Variants in FUT8 observed in about 807,000 individuals in gnomAD.
FUT8 encodes fucosyltransferase 8, also known as alpha-(1,6)-fucosyltransferase.
Under a neutral mutation model 71.3 loss-of-function variants are expected in FUT8, and 29 were observed. The ratio of observed to expected loss-of-function variants is 0.41; its 90% CI spans 0.30 to 0.55. The LOEUF is 0.55. Among genes scored for constraint, FUT8 ranks in the 20% least tolerant of loss-of-function variants. FUT8 has a pLI of 0.34. For missense variants in FUT8, 544 were observed against 702.1 expected (o/e 0.77, Z 2.55); for synonymous variants, 254 against 239.3 (o/e 1.06, Z -0.57).
chr14:65,445,409 C>T (rs2065724052), intron 1 of FUT8, among the ~76,000 whole-genome samples: 1 of 152,036 alleles, frequency 6.6e-6, no homozygotes, highest in Admixed American at 6.6e-5. Flanking sequence ...TATAAATTAC[C>T]CTCTCTCAGG....
intron 9 of FUT8, among the ~76,000 whole-genome samples, chr14:65,726,211 T>C (rs1388038121): frequency 6.6e-6 from 1 of 152,246 alleles, no homozygotes; most frequent in African/African-American, 2.4e-5. Context: ...AAGAAAAAGA[T>C]ACTAATTTTG....
chr14:65,730,472 G>C (rs1361502786), intron 9 of FUT8, among the ~76,000 whole-genome samples: 3 of 152,130 alleles, frequency 2.0e-5, no homozygotes, highest in African/African-American at 7.2e-5. Flanking sequence ...AGGAGATTGA[G>C]ACCATCCTGG....
intron 10 of FUT8, among the ~76,000 whole-genome samples, chr14:65,739,951 G>T (rs889650548): frequency 6.6e-6 from 1 of 152,034 alleles, no homozygotes; most frequent in African/African-American, 2.4e-5. Flanking sequence ...ATGTCTGACA[G>T]TTAGCAAAAG....
chr14:65,401,145 C>T, the FUT8 span, among the ~76,000 whole-genome samples: 13 of 152,178 alleles, frequency 8.5e-5, no homozygotes, highest in Middle Eastern at 3.4e-3. Flanking sequence ...AAACAACACA[C>T]GGGGGAATTT....
intron 2 of FUT8, among the ~76,000 whole-genome samples, chr14:65,559,575 T>C (rs1431690252): frequency 1.3e-5 from 2 of 149,832 alleles, no homozygotes; most frequent in Non-Finnish European, 2.9e-5. Flanking sequence ...AGTTTCAGCA[T>C]ATAAGTATAG....
intron 7 of FUT8, among the ~76,000 whole-genome samples, chr14:65,688,239 A>G (rs1893396717): frequency 6.6e-6 from 1 of 152,034 alleles, no homozygotes; most frequent in African/African-American, 2.4e-5. Flanking sequence ...TGCTCCACTT[A>G]TTTATCCCTC....
chr14:65,406,496 T>A (rs1341233650), upstream of FUT8, among the ~76,000 whole-genome samples: 1 of 152,200 alleles, frequency 6.6e-6, no homozygotes, highest in Non-Finnish European at 1.5e-5. Context: ...AGGGCTTGTT[T>A]TCTTTTTCTT....
At chr14:65,471,182 G>A (rs542940819) in intron 2 of FUT8, 159 of 222,062 alleles carry the variant, frequency 7.2e-4, no homozygotes, top group South Asian at 1.6e-3. Context: ...TCATCCCTCT[G>A]CCCTCTACCA....
At chr14:65,486,663 G>T (rs1018050527) in intron 2 of FUT8, among the ~76,000 whole-genome samples, 1 of 152,184 alleles carries the variant, frequency 6.6e-6, no homozygotes, top group Non-Finnish European at 1.5e-5. Flanking sequence ...AATAGAAAGA[G>T]TTGATTTGGG....
the FUT8 span, among the ~76,000 whole-genome samples, chr14:65,383,431 C>T: frequency 6.6e-6 from 1 of 152,028 alleles, no homozygotes; most frequent in Non-Finnish European, 1.5e-5. Flanking sequence ...TGTGCCACCA[C>T]ACTCAGCTAA....
At chr14:65,491,961 A>G (rs2066488402) in intron 2 of FUT8, among the ~76,000 whole-genome samples, 2 of 152,112 alleles carry the variant, frequency 1.3e-5, no homozygotes, top group Non-Finnish European at 2.9e-5. Context: ...ATAGTGCTGT[A>G]AAGTTCTGAT....
chr14:65,510,433 C>T (rs1489887561), intron 2 of FUT8, among the ~76,000 whole-genome samples: 2 of 152,110 alleles, frequency 1.3e-5, no homozygotes. Flanking sequence ...TAGGGTAATA[C>T]TGGCCTTGCA....
intron 2 of FUT8, among the ~76,000 whole-genome samples, chr14:65,547,589 C>T (rs1166009442): frequency 5.3e-5 from 8 of 151,778 alleles, no homozygotes; most frequent in Non-Finnish European, 1.0e-4. Context: ...ATTCAAGTTT[C>T]TATCCACAAT....
In FUT8 at chr14:65,422,413, A is replaced by G. The variant is rs554294139; in HGVS notation, c.-326+9199A>G. 1.7e-4 allele frequency among the ~76,000 whole-genome samples: 26 copies of G among 152,158 alleles called. 1 individual carries two copies. The South Asian group carries it at 5.2e-3, about 30-fold the overall frequency. ...CTGGTGCTTTTTCTCTTCCTTACTA[A>G]TGAATGTTTTTTATGGCATTGTTTT... is the stretch of plus-strand genomic sequence containing the variant. On this transcript the variant is annotated intron_variant, in intron 1 of 10. Transcript: ENST00000673929.
At chr14:65,514,723 T>C (rs1882592377) in intron 2 of FUT8, among the ~76,000 whole-genome samples, 1 of 152,086 alleles carries the variant, frequency 6.6e-6, no homozygotes, top group South Asian at 2.1e-4. Flanking sequence ...TTTTTTATGA[T>C]ACTTTAAGTT....
intron 3 of FUT8, among the ~76,000 whole-genome samples, chr14:65,567,868 C>A (rs7158153): frequency 0.7 from 105,721 of 151,636 alleles, 37,149 homozygotes; most frequent in East Asian, 0.9. Context: ...TATAAATGAG[C>A]TGTTTATTTA....
upstream of FUT8, among the ~76,000 whole-genome samples, chr14:65,408,964 T>A (rs2065098001): frequency 6.6e-6 from 1 of 152,184 alleles, no homozygotes; most frequent in Non-Finnish European, 1.5e-5. Context: ...AAAATAAAAA[T>A]GAAAATATAG....
At chr14:65,373,712 C>T in the FUT8 span, among the ~76,000 whole-genome samples, 1 of 152,280 alleles carries the variant, frequency 6.6e-6, no homozygotes, top group South Asian at 2.1e-4. Context: ...TATGGGATCC[C>T]AATTTTTCAT....
chr14:65,453,316 T>G (rs1036507139), intron 1 of FUT8, among the ~76,000 whole-genome samples: 1 of 152,140 alleles, frequency 6.6e-6, no homozygotes, highest in Non-Finnish European at 1.5e-5. Context: ...TGCAGATATT[T>G]TTGAACTTTT....
Sources: gnomAD v4.1 joint callset for allele counts (sites outside exome capture counted in the v4.1 genomes callset) on GRCh38, gnomAD v4.1.1 for gene constraint, MANE v1.5 for transcripts, NCBI Gene and HGNC (gene_info 2026-07-23, HGNC 2026-07-21) for gene names.